TROAP: variants seen among roughly 807,000 people sequenced by gnomAD.
The protein encoded by TROAP is trophinin associated protein.
A neutral mutation model predicts 83.4 loss-of-function variants in TROAP; 62 were observed. That is an observed-to-expected ratio of 0.74 (90% CI 0.61 to 0.92). The LOEUF (loss-of-function observed/expected upper bound fraction) is 0.92. Among genes scored for constraint, TROAP ranks in the 40% least tolerant of loss-of-function variants. The pLI, the probability that TROAP is intolerant of heterozygous loss-of-function variation, is 0.00. For synonymous variants in TROAP, 352 were observed against 386.4 expected (o/e 0.91, Z 1.04); for missense variants, 876 against 985.1 (o/e 0.89, Z 1.48).
Position 49,330,631 on chromosome 12 carries a change from G to T in TROAP, c.1786G>T (p.Glu596Ter). 1 of 1,612,942 alleles carries T rather than the reference G, an allele frequency of 6.2e-7. No individual in the cohort carries two copies. Among genetic ancestry groups the T allele is most frequent in the Non-Finnish European group, 8.5e-7 (1 of 1,179,818 alleles). ...PRPLESYCRIEPEIPESSRQE... is the reference protein window; with the variant it reads ...PRPLESYCRI ...GCCCCTAGAGTCCTACTGTAGGATT[G>T]AGCCTGAGATACCGGAGTCCTCTCG... The change falls in exon 13 of 15, where the codon GAG becomes TAG. Residue 596 changes from glutamate (E) to a stop codon, truncating the protein, a stop_gained. Transcript: ENST00000257909. LOFTEE classifies it high-confidence loss of function.
chr12:49,331,089 GA>G (rs757946554), intron 13 of TROAP, 124 bp from the exon 14 acceptor site: 1 of 1,526,388 alleles, frequency 6.6e-7, no homozygotes, highest in South Asian at 1.1e-5. Flanking sequence ...AGGAAGAGGG[GA>G]GGGGCTGCAC....
Position 49,331,252 on chromosome 12 carries a change from G to A in TROAP, c.2137G>A (p.Glu713Lys). ...GGCCCCTCGAACCCTAGCCCTGAGGGAGCGCCTCAAATCGTGTTTAACCGC... is the reference window on the plus strand; with the variant it reads ...GGCCCCTCGAACCCTAGCCCTGAGGAAGCGCCTCAAATCGTGTTTAACCGC... The part of the protein sequence containing the change: ...NLAPRTLALR[E>K]RLKSCLTAIH... The change falls in exon 14 of 15, where the codon GAG becomes AAG. Residue 713 changes from glutamate (E) to lysine (K), a missense_variant. Glu to Lys is a moderately conservative substitution (Grantham distance 56). This residue lies in a region of TROAP where 184 missense variants were observed against 238.3 expected (regional missense o/e 0.77). Transcript: ENST00000257909. The A allele has an allele frequency of 6.2e-7, 1 of 1,614,204 alleles. No individual in the cohort carries two copies. The highest frequency in any genetic ancestry group is 8.5e-7 in the Non-Finnish European group (1 of 1,180,032).
chr12:49,324,833 C>T (rs76576199), intron 3 of TROAP, among the ~76,000 whole-genome samples: 1 of 150,446 alleles, frequency 6.6e-6, no homozygotes, highest in Non-Finnish European at 1.5e-5. Flanking sequence ...CAGGTTCAAG[C>T]GATTCTCATG....
Position 49,330,389 on chromosome 12 carries a change from G to A in TROAP, c.1544G>A (p.Cys515Tyr), listed in dbSNP as rs1360113770. 3.1e-5 allele frequency: 50 copies of A among 1,614,030 alleles called. No individual in the cohort carries two copies. The highest frequency in any genetic ancestry group is 4.2e-5 in the Non-Finnish European group (49 of 1,180,006). ...LPEECGEPQPCPPAEPGPPEA... is the reference protein window; with the variant it reads ...LPEECGEPQPYPPAEPGPPEA... ...GAGGAGTGCGGGGAACCACAGCCCT[G>A]CCCTCCGGCAGAGCCTGGGCCCCCA... The change falls in exon 13 of 15, where the codon TGC becomes TAC. Residue 515 changes from cysteine (C) to tyrosine (Y), a missense_variant. Physicochemically the swap from Cys to Tyr is radical, Grantham distance 194. Transcript: ENST00000257909.
Position 49,329,739 on chromosome 12 carries a change from G to A in TROAP, c.1165-118G>A. On this transcript the variant is annotated intron_variant, in intron 11 of 14. Transcript: ENST00000257909. The surrounding 1 kb of genome is among the most constrained non-coding windows in gnomAD (Gnocchi z 4.5). ...CTGCTTCTCTGCTGCCCCTCCTAAT[G>A]TACATCTAGGGCCTCTCAGTTAGGG... 2 of 1,428,680 alleles carry A rather than the reference G, an allele frequency of 1.4e-6. No individual in the cohort carries two copies. The highest frequency in any genetic ancestry group is 4.6e-5 in the East Asian group (2 of 43,620). 88.5% of individuals were successfully genotyped at this position (1,428,680 alleles called of 1,614,324 possible). A position where few individuals can be genotyped will look rare whatever the true frequency, so the allele number is the denominator to read the frequency against.
chr12:49,329,201 AAACCCGGTTCACACCCATGCCATC>A lies in TROAP; in HGVS notation c.1067_1090del (p.Arg356_Thr363del). 6.2e-7 allele frequency: 1 copy of A among 1,614,102 alleles called. No homozygotes were observed. Among genetic ancestry groups the A allele is most frequent in the Non-Finnish European group, 8.5e-7 (1 of 1,180,032 alleles). ...TTGCGGCGTCTCACCGTTCAACCTA[AAACCCGGTTCACACCCATGCCATC>A]AACCCCCAGAGTTCAGCAGGTAAGA... On this transcript the variant is annotated inframe_deletion, in exon 10 of 15. Coordinates refer to ENST00000257909, the MANE Select transcript of TROAP (RefSeq NM_005480.4). This position sits in a 1 kb window ranked among gnomAD's most constrained non-coding sequence, Gnocchi z 4.5.
Position 49,325,854 on chromosome 12 carries a change from G to A in TROAP, c.603G>A (p.Arg201=), listed in dbSNP as rs1455526478. The change falls in exon 5 of 15, where the codon CGG becomes CGA. Residue 201 remains arginine, a synonymous_variant. Transcript: ENST00000257909. ...SRLEGPGPRG[R]TLCPQRLQAL... ...TGGAGGGACCAGGACCTCGAGGCCG[G>A]ACATTGTGCCCCCAGAGGCTACAGG... The A allele has an allele frequency of 6.2e-7, 1 of 1,613,868 alleles. No homozygotes were observed. Among genetic ancestry groups the A allele is most frequent in the South Asian group, 1.1e-5 (1 of 91,060 alleles).
At chr12:49,326,439 T>C (rs937866347) in intron 6 of TROAP, among the ~76,000 whole-genome samples, 3 of 152,192 alleles carry the variant, frequency 2.0e-5, no homozygotes, top group African/African-American at 4.8e-5. Context: ...GTATAGACTG[T>C]GGCAATAAGT....
At position 49,331,213 on chromosome 12, in the gene TROAP, G is replaced by T; in HGVS notation, c.2099-1G>T. The T allele has an allele frequency of 9.3e-6, 15 of 1,614,134 alleles. No individual in the cohort carries two copies. The highest frequency in any genetic ancestry group is 1.2e-5 in the Non-Finnish European group (14 of 1,180,014). ...CCCTCTAAATTTTCCATGCCCCTCA[G>T]GCCTCAGCAATCTGGCCCCTCGAAC... On this transcript the variant is annotated splice_acceptor_variant, in intron 13 of 14. Coordinates refer to ENST00000257909, the MANE Select transcript of TROAP (RefSeq NM_005480.4). LOFTEE classifies it high-confidence loss of function.
At chr12:49,326,817 G>A in intron 7 of TROAP, 97 bp downstream of exon 7, 2 of 1,324,606 alleles carry the variant, frequency 1.5e-6, no homozygotes, top group African/African-American at 1.5e-5. Flanking sequence ...GAGGGAGCAT[G>A]AGGAAGTGGG....
At chr12:49,331,545 G>A (rs1943583999) in intron 14 of TROAP, 28 bp from the exon 15 acceptor site, 4 of 1,614,194 alleles carry the variant, frequency 2.5e-6, no homozygotes, top group Non-Finnish European at 3.4e-6. Context: ...GGTTGGCTGA[G>A]CTGTGACAAG....
chr12:49,327,101 G>T, intron 7 of TROAP, 108 bp from the exon 8 acceptor site: 1 of 1,374,466 alleles, frequency 7.3e-7, no homozygotes. Context: ...CCCTAATAGT[G>T]CAATGGGGCC....
rs561054409 is a variant in TROAP at position 49,326,716 on chromosome 12, G to A, written c.765G>A (p.Gln255=). 1 of 1,562,090 alleles carries A rather than the reference G, an allele frequency of 6.4e-7. No homozygotes were observed. Reference sequence around the variant, plus strand: ...GATTGCTCCTGGAGACCCCAGTCCAGCCTGGTAAGTGTTTCTGGCGTGGGG... The same window carrying A: ...GATTGCTCCTGGAGACCCCAGTCCAACCTGGTAAGTGTTTCTGGCGTGGGG... ...ASGLLLETPV[Q]PAFSLPKGER... Residue 255 remains glutamine, a synonymous_variant, in exon 7 of 15, where the codon CAG becomes CAA. Coordinates refer to ENST00000257909, the MANE Select transcript of TROAP (RefSeq NM_005480.4).
At position 49,329,441 on chromosome 12, in the gene TROAP, C is replaced by T. The variant is rs1029830342; in HGVS notation, c.1151C>T (p.Pro384Leu). The T allele has an allele frequency of 6.2e-7, 1 of 1,610,586 alleles. No homozygotes were observed. The highest frequency in any genetic ancestry group is 8.5e-7 in the Non-Finnish European group (1 of 1,178,016). Reference sequence around the variant, plus strand: ...TCCCCTCAGTCCTGCTCTGAAGATCCTGCCCTGCCCTGGGTAAGTATCAGA... The same window carrying T: ...TCCCCTCAGTCCTGCTCTGAAGATCTTGCCCTGCCCTGGGTAAGTATCAGA... ...GVSPQSCSED[P>L]ALPWEQVAVR... Residue 384 changes from proline (P) to leucine (L), a missense_variant, in exon 11 of 15, where the codon CCT becomes CTT. By Grantham distance (98) the Pro-to-Leu change is moderately conservative (BLOSUM62 -3). This residue lies in a region of TROAP where 689 missense variants were observed against 722.6 expected (regional missense o/e 0.95). Coordinates refer to ENST00000257909, the MANE Select transcript of TROAP (RefSeq NM_005480.4). This position sits in a 1 kb window ranked among gnomAD's most constrained non-coding sequence, Gnocchi z 4.5.
intron 6 of TROAP, 113 bp from the exon 7 acceptor site, chr12:49,326,555 C>A: frequency 8.4e-7 from 1 of 1,189,530 alleles, no homozygotes; most frequent in Non-Finnish European, 1.2e-6. Flanking sequence ...ACATTTGTAC[C>A]ATCATTAGTT....
At chr12:49,323,809 T>C (rs1258786458) in intron 2 of TROAP, 36 bp from the exon 3 acceptor site, 1 of 1,613,886 alleles carries the variant, frequency 6.2e-7, no homozygotes, top group Non-Finnish European at 8.5e-7. Flanking sequence ...ACCCCAACAC[T>C]AAACCTCACC....
chr12:49,323,584 C>A lies in TROAP; in HGVS notation c.-5-20C>A. 6.2e-7 allele frequency: 1 copy of A among 1,609,714 alleles called. No homozygotes were observed. The highest frequency in any genetic ancestry group is 8.5e-7 in the Non-Finnish European group (1 of 1,176,614). ...TTTGATCTTAGATTCTGCCTGCCTTCTTCCCCGTCTCAATTGTAGCCATCA... is the reference window on the plus strand; with the variant it reads ...TTTGATCTTAGATTCTGCCTGCCTTATTCCCCGTCTCAATTGTAGCCATCA... On this transcript the variant is annotated intron_variant, in intron 1 of 14. Coordinates refer to ENST00000257909, the MANE Select transcript of TROAP (RefSeq NM_005480.4).
chr12:49,331,113 GCTC>G (rs1360135913), intron 13 of TROAP, 98 bp from the exon 14 acceptor site: 25 of 1,558,052 alleles, frequency 1.6e-5, no homozygotes, highest in Non-Finnish European at 2.1e-5. Flanking sequence ...CCAGCCCTGT[GCTC>G]CTAATTGGCT....
rs759232020 is a variant in TROAP at position 49,330,650 on chromosome 12, C to T, written c.1805C>T (p.Ser602Phe). Residue 602 changes from serine (S) to phenylalanine (F), a missense_variant, in exon 13 of 15, where the codon TCC becomes TTC. By Grantham distance (155) the Ser-to-Phe change is radical. This residue lies in a region of TROAP where 184 missense variants were observed against 238.3 expected (regional missense o/e 0.77). Transcript: ENST00000257909. Reference sequence around the variant, plus strand: ...AGGATTGAGCCTGAGATACCGGAGTCCTCTCGCCAGGAACAGCTTGAGGTA... The same window carrying T: ...AGGATTGAGCCTGAGATACCGGAGTTCTCTCGCCAGGAACAGCTTGAGGTA... The part of the protein sequence containing the change: ...YCRIEPEIPE[S>F]SRQEQLEVPE... 10 of 1,613,912 alleles carry T rather than the reference C, an allele frequency of 6.2e-6. No homozygotes were observed. Among genetic ancestry groups the T allele is most frequent in the Non-Finnish European group, 5.9e-6 (7 of 1,179,972 alleles).
Sources: gnomAD v4.1 joint callset for allele counts (sites outside exome capture counted in the v4.1 genomes callset) on GRCh38, gnomAD v4.1.1 for gene constraint, gnomAD v4.1.1 regional missense constraint, Gnocchi (gnomAD v3.1) non-coding constraint, MANE v1.5 for transcripts, NCBI Gene and HGNC (gene_info 2026-07-23, HGNC 2026-07-21) for gene names.